Variants in TBC1D31 observed in about 807,000 individuals in gnomAD.
TBC1D31 encodes WD repeat domain 67.
A neutral mutation model predicts 132.9 loss-of-function variants in TBC1D31; 99 were observed. That is an observed-to-expected ratio of 0.74 (90% CI 0.63 to 0.88). The LOEUF (loss-of-function observed/expected upper bound fraction) is 0.88, where lower values mean the gene tolerates loss of function less well. Ranked by LOEUF, TBC1D31 falls within the 40% of genes least tolerant of loss-of-function variation. The probability of loss-of-function intolerance (pLI) is 0.00; values close to 1 mark genes in which losing one functional copy is unlikely to be tolerated. For synonymous variants in TBC1D31, 385 were observed against 419.4 expected, an observed-to-expected ratio of 0.92 and a Z score of 1.00; for missense variants, 1,134 against 1,256.6, an observed-to-expected ratio of 0.90 and a Z score of 1.48.
chr8:123,123,524 A>T (rs1289110324), intron 11 of TBC1D31: 1 of 153,078 alleles, frequency 6.5e-6, no homozygotes, highest in Non-Finnish European at 1.5e-5. Context: ...GATGACAAAC[A>T]GCCTTTTGAC....
chr8:123,157,929 T>G, the TBC1D31 span, among the ~76,000 whole-genome samples: 1 of 151,882 alleles, frequency 6.6e-6, no homozygotes, highest in South Asian at 2.1e-4. Flanking sequence ...ACTTTCTGAC[T>G]GCAAGACTGC....
the TBC1D31 span, among the ~76,000 whole-genome samples, chr8:123,158,835 G>A: frequency 1.3e-5 from 2 of 152,110 alleles, no homozygotes; most frequent in Non-Finnish European, 2.9e-5. Context: ...GCGGGTGGCC[G>A]AGGGGCGAGG....
intron 15 of TBC1D31, among the ~76,000 whole-genome samples, chr8:123,129,782 C>A (rs1820432231): frequency 6.6e-6 from 1 of 151,844 alleles, no homozygotes; most frequent in Non-Finnish European, 1.5e-5. Flanking sequence ...CATAGTGAGA[C>A]CCTGTCTCTT....
intron 16 of TBC1D31, among the ~76,000 whole-genome samples, chr8:123,132,440 G>T (rs1173130633): frequency 3.8e-5 from 5 of 130,120 alleles, no homozygotes; most frequent in African/African-American, 1.2e-4. Flanking sequence ...TTGAGACAGG[G>T]TCTCATTCTG....
intron 11 of TBC1D31, among the ~76,000 whole-genome samples, chr8:123,124,509 G>A (rs998654259): frequency 2.0e-5 from 3 of 152,106 alleles, no homozygotes; most frequent in Non-Finnish European, 2.9e-5. Context: ...GAAAAACAGC[G>A]CTCTCTTAAT....
intron 16 of TBC1D31, among the ~76,000 whole-genome samples, chr8:123,131,611 C>A (rs897082510): frequency 6.6e-6 from 1 of 151,932 alleles, no homozygotes; most frequent in Non-Finnish European, 1.5e-5. Flanking sequence ...CTTATTTAAT[C>A]CTTTGCTATT....
intron 1 of TBC1D31, among the ~76,000 whole-genome samples, chr8:123,074,039 T>C (rs1814216552): frequency 6.7e-6 from 1 of 150,058 alleles, no homozygotes; most frequent in Admixed American, 6.7e-5. Context: ...TCAGAATTTT[T>C]TTTTTCTCTT....
chr8:123,155,172 T>G (rs1171438929), downstream of TBC1D31, among the ~76,000 whole-genome samples: 1 of 152,048 alleles, frequency 6.6e-6, no homozygotes, highest in East Asian at 1.9e-4. The surrounding 1 kb of genome is among the most constrained non-coding windows in gnomAD (Gnocchi z 4.1). Context: ...GAGGTAGGAA[T>G]GTAGGGGTGG....
chr8:123,127,419 C>T (rs986321336), intron 13 of TBC1D31, among the ~76,000 whole-genome samples: 28 of 151,204 alleles, frequency 1.9e-4, no homozygotes, highest in African/African-American at 6.3e-4. Context: ...TACAGGTGCC[C>T]GCCACCACGC....
chr8:123,095,007 T>A (rs1168338471), intron 5 of TBC1D31, among the ~76,000 whole-genome samples: 3 of 152,086 alleles, frequency 2.0e-5, no homozygotes, highest in African/African-American at 4.8e-5. Flanking sequence ...ATATTCGTCT[T>A]TTTTTTTCCT....
At position 123,084,265 on chromosome 8, in the gene TBC1D31, A is replaced by C. The variant is rs1815484868; in HGVS notation, c.444A>C (p.Thr148=). The change falls in exon 4 of 22, where the codon ACA becomes ACC. Residue 148 remains threonine, a synonymous_variant. Coordinates refer to ENST00000287380, the MANE Select transcript of TBC1D31 (RefSeq NM_145647.4). ...ATGCCATCACAACTTCTTCTGATAC[A>C]GCACAATTATGGGACTTGGATACCT... ...GKYAITTSSD[T]AQLWDLDTFQ... 1 of 1,614,222 alleles carries C rather than the reference A, an allele frequency of 6.2e-7. No homozygotes were observed. The highest frequency in any genetic ancestry group is 2.2e-5 in the East Asian group (1 of 44,878).
At chr8:123,147,885 T>C (rs1822381617) in intron 20 of TBC1D31, among the ~76,000 whole-genome samples, 1 of 152,060 alleles carries the variant, frequency 6.6e-6, no homozygotes, top group Non-Finnish European at 1.5e-5. Context: ...CCCAGCACTT[T>C]GGGAGGCCAA....
chr8:123,132,339 GACTT>G (rs918319360), intron 16 of TBC1D31, among the ~76,000 whole-genome samples: 3 of 146,586 alleles, frequency 2.0e-5, no homozygotes, highest in Admixed American at 2.0e-4. Context: ...GGATTACACT[GACTT>G]TATGCACTAA....
At chr8:123,142,533 T>G in intron 19 of TBC1D31, 77 bp downstream of exon 19, 2 of 1,218,516 alleles carry the variant, frequency 1.6e-6, no homozygotes, top group Non-Finnish European at 1.1e-6. Context: ...AGTCTCACTT[T>G]GTTGTACAGC....
chr8:123,109,737 G>A (rs1274859310), intron 10 of TBC1D31, 117 bp downstream of exon 10: 2 of 979,240 alleles, frequency 2.0e-6, no homozygotes, highest in South Asian at 1.9e-5. Context: ...TATGTGATAT[G>A]TTGGTTTAAT....
chr8:123,106,778 A>G (rs144089523), intron 8 of TBC1D31, among the ~76,000 whole-genome samples: 239 of 152,332 alleles, frequency 1.6e-3, no homozygotes, highest in African/African-American at 5.1e-3. Flanking sequence ...CTTAGGTTTG[A>G]TGATTTATTA....
chr8:123,140,774 A>T lies in TBC1D31; in HGVS notation c.2513A>T (p.Asn838Ile), dbSNP rs1821577764. Residue 838 changes from asparagine to isoleucine, a missense_variant, in exon 18 of 22, where the codon AAT (asparagine) becomes ATT (isoleucine). Transcript: ENST00000287380. ...KRLYEKNLTE[N>I]QEALAKEMRA... ...TGATTTTAACAGAATCTTACTGAAA[A>T]TCAAGAAGCTCTTGCAAAAGAAATG... The T allele has an allele frequency of 6.2e-7, 1 of 1,601,868 alleles. No individual in the cohort carries two copies. Among genetic ancestry groups the T allele is most frequent in the Non-Finnish European group, 8.5e-7 (1 of 1,177,102 alleles).
At position 123,151,933 on chromosome 8, in the gene TBC1D31, T is replaced by C. The variant is rs763001949; in HGVS notation, c.3195T>C (p.Ala1065=). 6.5e-7 allele frequency: 1 copy of C among 1,533,956 alleles called. No homozygotes were observed. The highest frequency in any genetic ancestry group is 8.7e-7 in the Non-Finnish European group (1 of 1,144,510). The change falls in exon 22 of 22, where the codon GCT becomes GCC. Residue 1065 remains alanine, a synonymous_variant. Transcript: ENST00000287380. ...GATGTCAAACCCCTCATCTTTTGGC[T>C]GCATAGAATGCATGTCACCTTGAGA... ...RHRCQTPHLL[A]A is the part of the protein sequence containing the mutation.
rs1040840814 is a variant in TBC1D31, at chr8:123,084,355, A to T, written c.519+15A>T. On this transcript the variant is annotated intron_variant, in intron 4 of 21. Coordinates refer to ENST00000287380, the MANE Select transcript of TBC1D31 (RefSeq NM_145647.4). ...GTATACAGAAGGTCAGTGAGGGGGT[A>T]CATCTTGGTCTGTTGTGCTTCTCGG... The T allele has an allele frequency of 2.5e-6, 4 of 1,612,832 alleles. No homozygotes were observed. Among genetic ancestry groups the T allele is most frequent in the Non-Finnish European group, 3.4e-6 (4 of 1,179,190 alleles).
Sources: gnomAD v4.1 joint callset for allele counts (sites outside exome capture counted in the v4.1 genomes callset) on GRCh38, gnomAD v4.1.1 for gene constraint, Gnocchi (gnomAD v3.1) non-coding constraint, MANE v1.5 for transcripts, NCBI Gene and HGNC (gene_info 2026-07-23, HGNC 2026-07-21) for gene names.